The following JADE1 variants were observed in gnomAD, a reference collection of about 807,000 sequenced individuals.
JADE1 encodes the protein jade family PHD finger 1.
A neutral mutation model predicts 81.8 loss-of-function variants in JADE1; 14 were observed. The observed-to-expected ratio is 0.17, with a 90% CI of 0.11 to 0.27. The LOEUF (loss-of-function observed/expected upper bound fraction) is 0.27. JADE1 is among the 10% of genes least tolerant of loss of function. The pLI, the probability that JADE1 is intolerant of heterozygous loss-of-function variation, is 1.00. For synonymous variants in JADE1, 353 were observed against 391.9 expected (o/e 0.90, Z 1.17); for missense variants, 690 against 1,047.9 (o/e 0.66, Z 4.71).
intron 1 of JADE1, among the ~76,000 whole-genome samples, chr4:128,826,120 G>A (rs776642607): frequency 6.6e-6 from 1 of 152,148 alleles, no homozygotes; most frequent in Non-Finnish European, 1.5e-5. Context: ...TATGTTTCTC[G>A]TGGCAAGTGG....
intron 8 of JADE1, among the ~76,000 whole-genome samples, chr4:128,860,941 C>A (rs1731269888): frequency 6.6e-6 from 1 of 152,176 alleles, no homozygotes; most frequent in Admixed American, 6.5e-5. Context: ...GTGTGAAGAC[C>A]TTTCCCTACC....
intron 3 of JADE1, among the ~76,000 whole-genome samples, chr4:128,843,686 G>T (rs770247707): frequency 2.6e-5 from 4 of 152,164 alleles, no homozygotes; most frequent in Non-Finnish European, 5.9e-5. Flanking sequence ...AATCATCGAA[G>T]AAAAACATTT....
At chr4:128,823,632 G>A (rs912145434) in intron 1 of JADE1, among the ~76,000 whole-genome samples, 5 of 152,132 alleles carry the variant, frequency 3.3e-5, no homozygotes, top group African/African-American at 1.2e-4. Context: ...GATGTATGAC[G>A]TTATAAAGAG....
chr4:128,812,145 A>G (rs1579074602), intron 1 of JADE1, among the ~76,000 whole-genome samples: 1 of 150,966 alleles, frequency 6.6e-6, no homozygotes. Flanking sequence ...CCACTTTCAA[A>G]TGGAGAGGGC....
intron 2 of JADE1, among the ~76,000 whole-genome samples, chr4:128,842,306 CTTT>C (rs1553946691): frequency 1.4e-5 from 2 of 144,618 alleles, no homozygotes; most frequent in Non-Finnish European, 1.5e-5. Flanking sequence ...TTCTTTCTTT[CTTT>C]TTTTTTTTTT....
At chr4:128,833,787 A>C (rs1318961572) in intron 2 of JADE1, among the ~76,000 whole-genome samples, 1 of 152,232 alleles carries the variant, frequency 6.6e-6, no homozygotes, top group African/African-American at 2.4e-5. Flanking sequence ...AAAGCTTAAG[A>C]GCCCTATTTA....
chr4:128,844,978 A>G (rs1729744778), intron 3 of JADE1, among the ~76,000 whole-genome samples: 1 of 152,256 alleles, frequency 6.6e-6, no homozygotes, highest in South Asian at 2.1e-4. Flanking sequence ...TAGTAGCACA[A>G]GAAAGAACTC....
chr4:128,858,830 G>A lies in JADE1; in HGVS notation c.981+1376G>A, dbSNP rs531863374. Among the ~76,000 whole-genome samples, 43 of 152,048 alleles carry A rather than the reference G, an allele frequency of 2.8e-4. 1 individual carries two copies. Among genetic ancestry groups the A allele is most frequent in the African/African-American group, 9.9e-4 (41 of 41,454 alleles). The stretch of plus-strand genomic sequence containing the variant: ...TCACCATGTTGGCCAGGCTGGTCTC[G>A]AACTCCTGACCTCGTGATCCACCCA... On this transcript the variant is annotated intron_variant, in intron 8 of 10. Coordinates refer to ENST00000226319, the MANE Select transcript of JADE1 (RefSeq NM_199320.4).
rs1291644252 is a variant in JADE1 at position 128,866,825 on chromosome 4, A to G, written c.1504-1031A>G. On this transcript the variant is annotated intron_variant, in intron 9 of 10. Transcript: ENST00000226319. Reference sequence around the variant, plus strand: ...AGATTACTTAGGAGGTCTTGTCCACATATTCCTGAAGAAGGGTTTAATTGT... The same window carrying G: ...AGATTACTTAGGAGGTCTTGTCCACGTATTCCTGAAGAAGGGTTTAATTGT... Among the ~76,000 whole-genome samples, 4 of 152,232 alleles carry G rather than the reference A, an allele frequency of 2.6e-5. No individual in the cohort carries two copies. The East Asian group carries it at 7.7e-4, about 29-fold the overall frequency.
At position 128,843,011 on chromosome 4, in the gene JADE1, C is replaced by T; in HGVS notation, c.111C>T (p.Ser37=). 1 of 1,614,058 alleles carries T rather than the reference C, an allele frequency of 6.2e-7. No individual in the cohort carries two copies. The highest frequency in any genetic ancestry group is 8.5e-7 in the Non-Finnish European group (1 of 1,179,918). ...CCCAGCATAGGAGAAGCTCCTGCTCCAGACATGAAGATCGAAAGCCTTCAG... is the reference window on the plus strand; with the variant it reads ...CCCAGCATAGGAGAAGCTCCTGCTCTAGACATGAAGATCGAAAGCCTTCAG... The part of the protein sequence containing the change: ...SRSQHRRSSC[S]RHEDRKPSEV... Residue 37 remains serine, a synonymous_variant, in exon 3 of 11, where the codon TCC becomes TCT. Coordinates refer to ENST00000226319, the MANE Select transcript of JADE1 (RefSeq NM_199320.4).
intron 1 of JADE1, chr4:128,811,902 C>T (rs1446620189): frequency 2.0e-5 from 3 of 151,648 alleles, no homozygotes; most frequent in Admixed American, 1.3e-4. Flanking sequence ...CGAGCCCGCT[C>T]GGAGCTCCTC....
Position 128,862,915 on chromosome 4 carries a change from C to T in JADE1, c.1503+690C>T, listed in dbSNP as rs201496427. On this transcript the variant is annotated intron_variant, in intron 9 of 10. Transcript: ENST00000226319. ...GAGGCTGTGTGTGTGTGTGTGTGTGCGCGTGCCCGTGTCCATCCATGTCTC... is the reference window on the plus strand; with the variant it reads ...GAGGCTGTGTGTGTGTGTGTGTGTGTGCGTGCCCGTGTCCATCCATGTCTC... The T allele has an allele frequency of 2.8e-4, 215 of 760,994 alleles. 1 individual carries two copies. The African/African-American group carries it at 4.1e-3, about 14-fold the overall frequency. The allele number at this position is 760,994 out of a possible 1,614,324, so 47.1% of individuals were successfully genotyped here.
intron 2 of JADE1, among the ~76,000 whole-genome samples, chr4:128,835,632 AG>A (rs1285503769): frequency 3.9e-5 from 6 of 152,198 alleles, no homozygotes; most frequent in African/African-American, 1.4e-4. Context: ...CAAGAAAGAT[AG>A]GGTCTATGCA....
At chr4:128,847,373 C>T (rs1431846396) in intron 4 of JADE1, among the ~76,000 whole-genome samples, 1 of 152,162 alleles carries the variant, frequency 6.6e-6, no homozygotes, top group African/African-American at 2.4e-5. Context: ...TTTTTGGGCA[C>T]TTAAGATTAT....
At chr4:128,851,179 C>T (rs1451113889) in intron 5 of JADE1, among the ~76,000 whole-genome samples, 1 of 152,218 alleles carries the variant, frequency 6.6e-6, no homozygotes, top group East Asian at 1.9e-4. Context: ...GATCTACCTG[C>T]AAAGTACTGG....
intron 10 of JADE1, among the ~76,000 whole-genome samples, chr4:128,869,454 T>C (rs934731519): frequency 2.0e-5 from 3 of 152,228 alleles, no homozygotes; most frequent in African/African-American, 4.8e-5. Context: ...GGATCACTAA[T>C]ACAAGTTGTG....
rs928981274 is a variant in JADE1, at chr4:128,874,192, C to G, written c.*1930C>G. On this transcript the variant is annotated 3_prime_UTR_variant, in exon 11 of 11. Transcript: ENST00000226319. Reference sequence around the variant, plus strand: ...GATTTTTTTTGCATATGAGCAAAAACCTTTTGCTGGATACAGGAGAAGGTT... The same window carrying G: ...GATTTTTTTTGCATATGAGCAAAAAGCTTTTGCTGGATACAGGAGAAGGTT... 4 of 152,482 alleles carry G rather than the reference C, an allele frequency of 2.6e-5. No homozygotes were observed. Among genetic ancestry groups the G allele is most frequent in the African/African-American group, 9.7e-5 (4 of 41,390 alleles). 9.4% of individuals were successfully genotyped at this position (152,482 alleles called of 1,614,324 possible).
intron 1 of JADE1, among the ~76,000 whole-genome samples, chr4:128,814,574 T>C (rs945086461): frequency 2.0e-5 from 3 of 151,558 alleles, no homozygotes; most frequent in African/African-American, 4.8e-5. Context: ...TTTCTTTTTT[T>C]TTTTTTTTTG....
At chr4:128,858,799 G>A (rs1247143121) in intron 8 of JADE1, among the ~76,000 whole-genome samples, 1 of 151,910 alleles carries the variant, frequency 6.6e-6, no homozygotes, top group African/African-American at 2.4e-5. Flanking sequence ...AGTAGAGATG[G>A]GGGTTTCACC....
Sources: allele counts gnomAD v4.1 joint callset (sites outside exome capture counted in the v4.1 genomes callset), GRCh38; gene constraint gnomAD v4.1.1; transcripts MANE v1.5; gene names NCBI Gene and HGNC (gene_info 2026-07-23, HGNC 2026-07-21).